DYRK4: variants seen among roughly 807,000 people sequenced by gnomAD.
DYRK4 encodes the protein dual specificity tyrosine phosphorylation regulated kinase 4.
DYRK4 carries 64 observed loss-of-function variants against 68.3 expected under a neutral mutation model. The ratio of observed to expected loss-of-function variants is 0.94; its 90% CI spans 0.77 to 1.15. The LOEUF (loss-of-function observed/expected upper bound fraction) is 1.15, where lower values mean the gene tolerates loss of function less well. Among genes scored for constraint, DYRK4 ranks in the 50% most tolerant of loss-of-function variants. The probability of loss-of-function intolerance (pLI) is 0.00; values close to 1 mark genes in which losing one functional copy is unlikely to be tolerated. For synonymous variants in DYRK4, 274 were observed against 289.9 expected (o/e 0.95, Z 0.56); for missense variants, 740 against 764.7 (o/e 0.97, Z 0.38).
At chr12:4,602,904 T>A (rs1945097273) in intron 10 of DYRK4, 3 of 962,834 alleles carry the variant, frequency 3.1e-6, no homozygotes, top group Non-Finnish European at 4.8e-6. Context: ...AAATAACTTT[T>A]GTAAGTATTA....
intron 2 of DYRK4, among the ~76,000 whole-genome samples, chr12:4,577,850 G>T (rs1018299966): frequency 6.6e-6 from 1 of 152,116 alleles, no homozygotes; most frequent in Non-Finnish European, 1.5e-5. Context: ...TACACATTTT[G>T]TCATATTTAT....
intron 10 of DYRK4, among the ~76,000 whole-genome samples, chr12:4,600,656 T>G (rs1247630256): frequency 1.3e-5 from 2 of 151,018 alleles, no homozygotes; most frequent in African/African-American, 4.9e-5. Context: ...AAGAATATAA[T>G]AAAAGACACA....
At chr12:4,611,141 G>T (rs1267466210) in intron 13 of DYRK4, among the ~76,000 whole-genome samples, 2 of 152,194 alleles carry the variant, frequency 1.3e-5, no homozygotes, top group Admixed American at 6.5e-5. Flanking sequence ...GTTGGATGGA[G>T]TGATGTTATC....
intron 10 of DYRK4, chr12:4,602,071 T>G (rs16931572): frequency 0.31 from 126,965 of 408,378 alleles, 20,270 homozygotes; most frequent in African/African-American, 0.33. Context: ...TGCATCTTTC[T>G]CAAGGGTAGT....
At chr12:4,565,627 C>CTT (rs10717580) in intron 1 of DYRK4, among the ~76,000 whole-genome samples, 3 of 143,898 alleles carry the variant, frequency 2.1e-5, no homozygotes, top group African/African-American at 7.7e-5. Flanking sequence ...TTCACATTTA[C>CTT]TTTTTTTTTT....
rs370396256 is a variant in DYRK4 at position 4,613,745 on chromosome 12, A to C, written c.1897A>C (p.Ile633Leu). 6.4e-7 allele frequency: 1 copy of C among 1,559,650 alleles called. No homozygotes were observed. The highest frequency in any genetic ancestry group is 1.4e-5 in the African/African-American group (1 of 73,712). Residue 633 changes from isoleucine to leucine, a missense_variant, in exon 15 of 15, where the codon ATT becomes CTT. By Grantham distance (5) the Ile-to-Leu change is conservative (BLOSUM62 2). This residue lies in a region of DYRK4 where 614 missense variants were observed against 603.7 expected (regional missense o/e 1.02). Coordinates refer to ENST00000543431, the MANE Select transcript of DYRK4 (RefSeq NM_001394779.1). The surrounding 1 kb of genome is among the most constrained non-coding windows in gnomAD (Gnocchi z 4.0). ...CAAGAACACAAACGTTTTACCCCCT[A>C]TTGTATGACCTTTGCTGAGGGTATG... Reference protein sequence around the residue: ...SLKNTNVLPPIV With the variant: ...SLKNTNVLPPLV
At chr12:4,602,004 GA>G (rs1945087100) in intron 10 of DYRK4, 2 of 323,120 alleles carry the variant, frequency 6.2e-6, no homozygotes, top group Admixed American at 4.8e-5. Flanking sequence ...AACAAAATAG[GA>G]ATCATTTTAT....
At position 4,613,423 on chromosome 12, in the gene DYRK4, G is replaced by A. The variant is rs71579258; in HGVS notation, c.1667-92G>A. ...CTGTTTTTATATCATCACGGTCATC[G>A]TTTCCACTAAGTGATGTACAACCTA... On this transcript the variant is annotated intron_variant, in intron 14 of 14. Transcript: ENST00000543431. This position sits in a 1 kb window ranked among gnomAD's most constrained non-coding sequence, Gnocchi z 4.0. 265 of 1,465,560 alleles carry A rather than the reference G, an allele frequency of 1.8e-4. No homozygotes were observed. The highest frequency in any genetic ancestry group is 2.2e-4 in the Non-Finnish European group (240 of 1,085,974). 90.8% of individuals were successfully genotyped at this position (1,465,560 alleles called of 1,614,324 possible).
intron 10 of DYRK4, 137 bp downstream of exon 10, chr12:4,599,925 C>G: frequency 1.5e-6 from 1 of 682,772 alleles, no homozygotes; most frequent in Non-Finnish European, 2.5e-6. Context: ...TGCTTCGCTT[C>G]TCTGAGCCCA....
chr12:4,586,469 G>A (rs1268693313), intron 2 of DYRK4, among the ~76,000 whole-genome samples: 1 of 152,148 alleles, frequency 6.6e-6, no homozygotes, highest in East Asian at 1.9e-4. Context: ...TGTGAATACG[G>A]GAGAGCACAC....
At chr12:4,592,831 A>T in intron 5 of DYRK4, 171 bp from the exon 6 acceptor site, 1 of 662,210 alleles carries the variant, frequency 1.5e-6, no homozygotes, top group Non-Finnish European at 2.5e-6. Context: ...CTTGACATTT[A>T]TTCTTGTCAT....
intron 2 of DYRK4, among the ~76,000 whole-genome samples, chr12:4,583,367 C>G (rs937483638): frequency 6.6e-6 from 1 of 151,966 alleles, no homozygotes; most frequent in Non-Finnish European, 1.5e-5. Context: ...CCCACCCCAA[C>G]GCCATGTGAC....
intron 2 of DYRK4, among the ~76,000 whole-genome samples, chr12:4,587,162 G>C (rs868421947): frequency 6.6e-6 from 1 of 152,176 alleles, no homozygotes; most frequent in Non-Finnish European, 1.5e-5. Flanking sequence ...AAGACCAAGC[G>C]TCTTAGTCTT....
chr12:4,610,771 A>AG (rs1225020189), intron 13 of DYRK4, among the ~76,000 whole-genome samples: 6 of 152,170 alleles, frequency 3.9e-5, no homozygotes, highest in Admixed American at 2.6e-4. Context: ...TTAGGGAATT[A>AG]GGGGGAAGGT....
At chr12:4,578,064 AAGC>A (rs780616209) in intron 2 of DYRK4, among the ~76,000 whole-genome samples, 1 of 152,216 alleles carries the variant, frequency 6.6e-6, no homozygotes, top group Non-Finnish European at 1.5e-5. Flanking sequence ...AATTAATTAA[AAGC>A]AGGTAAATTT....
At chr12:4,606,885 T>C (rs1164632789) in intron 11 of DYRK4, among the ~76,000 whole-genome samples, 1 of 152,240 alleles carries the variant, frequency 6.6e-6, no homozygotes, top group Non-Finnish European at 1.5e-5. Context: ...AAGTAGGTGC[T>C]ACACTTTTCT....
chr12:4,571,599 G>A, intron 2 of DYRK4, among the ~76,000 whole-genome samples: 1 of 152,092 alleles, frequency 6.6e-6, no homozygotes, highest in South Asian at 2.1e-4. Context: ...GTATTTTATT[G>A]TATTTTATTT....
At position 4,591,590 on chromosome 12, in the gene DYRK4, T is replaced by C. The variant is rs1944955581; in HGVS notation, c.463+292T>C. 1 of 349,496 alleles carries C rather than the reference T, an allele frequency of 2.9e-6. No individual in the cohort carries two copies. Among genetic ancestry groups the C allele is most frequent in the Admixed American group, 4.2e-5 (1 of 23,878 alleles). The allele number at this position is 349,496 out of a possible 1,614,324, so 21.6% of individuals were successfully genotyped here. A position where few individuals can be genotyped will look rare whatever the true frequency, so the allele number is the denominator to read the frequency against. ...TGCCTAAGGAGCCCAGACACAAGGC[T>C]CCTGTCATTTTATGGACCCAGGGGC... On this transcript the variant is annotated intron_variant, in intron 5 of 14. Coordinates refer to ENST00000543431, the MANE Select transcript of DYRK4 (RefSeq NM_001394779.1). This position sits in a 1 kb window ranked among gnomAD's most constrained non-coding sequence, Gnocchi z 4.1.
intron 1 of DYRK4, among the ~76,000 whole-genome samples, chr12:4,564,675 G>C (rs112602195): frequency 0.012 from 1,773 of 152,224 alleles, 18 homozygotes; most frequent in Middle Eastern, 0.078. Flanking sequence ...ATTTATCTTT[G>C]AATCCTCCAT....
Sources: allele counts gnomAD v4.1 joint callset (sites outside exome capture counted in the v4.1 genomes callset), GRCh38; gene constraint gnomAD v4.1.1; regional missense constraint gnomAD v4.1.1; non-coding constraint Gnocchi (gnomAD v3.1); transcripts MANE v1.5; gene names NCBI Gene and HGNC (gene_info 2026-07-23, HGNC 2026-07-21).